The following ZNF275 variants were observed in gnomAD, a reference collection of about 807,000 sequenced individuals.
ZNF275 encodes zinc finger protein 275.
Under a neutral mutation model 4.3 loss-of-function variants are expected in ZNF275, and 4 were observed. The observed-to-expected ratio is 0.93, with a 90% confidence interval of 0.46 to 2.13. The LOEUF (loss-of-function observed/expected upper bound fraction) is 2.13. ZNF275 is among the 30% of genes most tolerant of loss of function. The pLI is 0.02. For synonymous variants in ZNF275, 173 were observed against 166.9 expected, an observed-to-expected ratio of 1.04 and a Z score of -0.28; for missense variants, 352 against 397.1, an observed-to-expected ratio of 0.89 and a Z score of 0.97.
At chrX:153,337,762 CT>C (rs1456901398) in intron 2 of ZNF275, among the ~76,000 whole-genome samples, 1 of 112,131 alleles carries the variant, frequency 8.9e-6, no homozygotes, top group Non-Finnish European at 1.9e-5. Flanking sequence ...TTGACAGGGC[CT>C]TTGCTTTCTG....
Position 153,336,696 on chromosome X carries a change from G to T in ZNF275, c.17G>T (p.Cys6Phe). Residue 6 changes from cysteine to phenylalanine, a missense_variant, in exon 2 of 4, where the codon TGT (cysteine) becomes TTT (phenylalanine). By Grantham distance (205) the Cys-to-Phe change is radical (BLOSUM62 -2). Transcript: ENST00000650114. MMSHP[C>F]VSLLGVPVLN... is the part of the protein sequence containing the mutation. ...TTCTGAGGCATGATGAGTCATCCGT[G>T]TGTGTCTCTTTTGGGTAAGTCTGGG... 2 of 1,167,805 alleles carry T rather than the reference G, an allele frequency of 1.7e-6. No individual in the cohort carries two copies. Among genetic ancestry groups the T allele is most frequent in the Non-Finnish European group, 1.1e-6 (1 of 873,005 alleles).
chrX:153,334,653 A>G (rs782003775), intron 1 of ZNF275, among the ~76,000 whole-genome samples: 28 of 108,360 alleles, frequency 2.6e-4, no homozygotes, highest in East Asian at 1.8e-3. Context: ...TCTTTGGGGG[A>G]CGCTAGGAGA....
chrX:153,336,809 G>A (rs1451351488), intron 2 of ZNF275, 99 bp downstream of exon 2: 6 of 929,580 alleles, frequency 6.5e-6, no homozygotes, highest in South Asian at 2.2e-5. Context: ...GAGGAGTATC[G>A]TTTTGGTTCC....
intron 2 of ZNF275, among the ~76,000 whole-genome samples, chrX:153,338,291 A>G (rs2088458821): frequency 9.0e-6 from 1 of 111,121 alleles, no homozygotes; most frequent in African/African-American, 3.3e-5. Context: ...TACCTGATAT[A>G]CTTGATTGAT....
Position 153,334,253 on chromosome X carries a change from C to T in ZNF275, c.-79C>T, listed in dbSNP as rs1277948206. The T allele has an allele frequency of 5.3e-5, 6 of 112,240 alleles. No individual in the cohort carries two copies. The highest frequency in any genetic ancestry group is 1.1e-4 in the Non-Finnish European group (6 of 53,049). The allele number at this position is 112,240 out of a possible 1,213,427, so 9.2% of individuals were successfully genotyped here. On this transcript the variant is annotated 5_prime_UTR_variant, in exon 1 of 4. Transcript: ENST00000650114. ...CTGGGCCGCGCCAGCGCCGCTCCAC[C>T]GAGGGCCGCGCGTCGGCCGCCGCCG...
At chrX:153,342,614 C>T (rs2088486074) in intron 2 of ZNF275, among the ~76,000 whole-genome samples, 1 of 111,754 alleles carries the variant, frequency 8.9e-6, no homozygotes, top group Admixed American at 9.5e-5. Context: ...ATAGATCAGC[C>T]CTACTACTAA....
rs1338546134 is a variant in ZNF275, at chrX:153,349,177, A to G, written c.*1202A>G. 3.2e-5 allele frequency: 4 copies of G among 123,949 alleles called. No individual in the cohort carries two copies. The highest frequency in any genetic ancestry group is 7.5e-5 in the Non-Finnish European group (4 of 53,352). 10.2% of individuals were successfully genotyped at this position (123,949 alleles called of 1,213,427 possible). A position where few individuals can be genotyped will look rare whatever the true frequency, so the allele number is the denominator to read the frequency against. ...CCTTCCGTTTCTTGTTCTATAAAAC[A>G]GGGGTGATCACAGCACCTACCTCCG... On this transcript the variant is annotated 3_prime_UTR_variant, in exon 4 of 4. Transcript: ENST00000650114.
chrX:153,345,435 C>T, intron 2 of ZNF275, 85 bp from the exon 3 acceptor site: 1 of 696,047 alleles, frequency 1.4e-6, no homozygotes. Flanking sequence ...AGGGGGTTCC[C>T]CTTCAAAGGC....
At chrX:153,344,395 A>T in intron 2 of ZNF275, 1 of 257,996 alleles carries the variant, frequency 3.9e-6, no homozygotes, top group South Asian at 3.6e-5. Flanking sequence ...CTGGGCTTGG[A>T]GTTCCAATCA....
At chrX:153,337,667 T>A (rs1218648512) in intron 2 of ZNF275, among the ~76,000 whole-genome samples, 1 of 112,268 alleles carries the variant, frequency 8.9e-6, no homozygotes, top group Admixed American at 9.4e-5. Context: ...ACATCACTAT[T>A]TTCCATTTAT....
At chrX:153,344,502 G>T in intron 2 of ZNF275, 1 of 314,251 alleles carries the variant, frequency 3.2e-6, no homozygotes, top group South Asian at 3.0e-5. Flanking sequence ...GGATCCTAGT[G>T]CTTGATCAGG....
chrX:153,351,660 T>C lies in ZNF275; in HGVS notation c.*3685T>C. On this transcript the variant is annotated 3_prime_UTR_variant, in exon 4 of 4. Coordinates refer to ENST00000650114, the MANE Select transcript of ZNF275 (RefSeq NM_001367757.1). ...CCATTGCTTTTATTAGAGTTTTGAATACTTGTGAAAATTTTCAAAAGAAAG... is the reference window on the plus strand; with the variant it reads ...CCATTGCTTTTATTAGAGTTTTGAACACTTGTGAAAATTTTCAAAAGAAAG... The C allele has an allele frequency of 8.9e-6, 1 of 112,274 alleles. No individual in the cohort carries two copies. Among genetic ancestry groups the C allele is most frequent in the South Asian group, 3.7e-4 (1 of 2,722 alleles). The allele number at this position is 112,274 out of a possible 1,213,427, so 9.3% of individuals were successfully genotyped here. A position where few individuals can be genotyped will look rare whatever the true frequency, so the allele number is the denominator to read the frequency against.
rs1035134871 is a variant in ZNF275, at chrX:153,348,298, C to G, written c.*323C>G. The G allele has an allele frequency of 3.0e-4, 38 of 128,129 alleles. No individual in the cohort carries two copies. The highest frequency in any genetic ancestry group is 6.5e-4 in the Non-Finnish European group (37 of 57,355). 10.6% of individuals were successfully genotyped at this position (128,129 alleles called of 1,213,427 possible). The stretch of plus-strand genomic sequence containing the variant: ...GAGGTCATCAACTCCAAGCTCCCCC[C>G]GCCCCAGAGAAACACACAGAGCTGT... On this transcript the variant is annotated 3_prime_UTR_variant, in exon 4 of 4. Transcript: ENST00000650114.
chrX:153,342,991 G>A (rs1556961141), intron 2 of ZNF275, among the ~76,000 whole-genome samples: 1 of 112,692 alleles, frequency 8.9e-6, no homozygotes. Flanking sequence ...CCAACACACA[G>A]TCTCGATCTG....
Position 153,347,029 on chromosome X carries a change from T to C in ZNF275, c.344T>C (p.Leu115Pro), listed in dbSNP as rs1556961661. The C allele has an allele frequency of 8.3e-7, 1 of 1,211,460 alleles. No homozygotes were observed. The highest frequency in any genetic ancestry group is 2.2e-5 in the Admixed American group (1 of 46,004). The change falls in exon 4 of 4, where the codon CTG (leucine) becomes CCG (proline). Residue 115 changes from leucine (L) to proline (P), a missense_variant. Transcript: ENST00000650114. ...GGGGACACCTTTCGGCTTAAAGTCC[T>C]GCTTGTCCAGCACCAGAGAGTCCAC... ...ECGDTFRLKV[L>P]LVQHQRVHSE...
intron 2 of ZNF275, among the ~76,000 whole-genome samples, chrX:153,342,106 CTGTT>C (rs1414711590): frequency 8.9e-6 from 1 of 112,153 alleles, no homozygotes; most frequent in East Asian, 2.8e-4. Context: ...CATTAAGATG[CTGTT>C]TGTTTTTAAA....
rs782277073 is a variant in ZNF275, at chrX:153,347,732, C to T, written c.1047C>T (p.Tyr349=). 3.3e-6 allele frequency: 4 copies of T among 1,208,910 alleles called. No individual in the cohort carries two copies. Among genetic ancestry groups the T allele is most frequent in the East Asian group, 3.0e-5 (1 of 33,757 alleles). The change falls in exon 4 of 4, where the codon TAC becomes TAT. Residue 349 remains tyrosine, a synonymous_variant. Transcript: ENST00000650114. ...GCATCCACAGTGGCGAGCGGCCCTA[C>T]GCATGCGGCGAGTGTGGCAAGGCCT... ...HARIHSGERP[Y]ACGECGKAFR...
chrX:153,348,330 A>G lies in ZNF275; in HGVS notation c.*355A>G, dbSNP rs1448041830. Reference sequence around the variant, plus strand: ...GAGAAACACACAGAGCTGTTCCACGATGGCGTCCTCATAATGTGATCCCAG... The same window carrying G: ...GAGAAACACACAGAGCTGTTCCACGGTGGCGTCCTCATAATGTGATCCCAG... On this transcript the variant is annotated 3_prime_UTR_variant, in exon 4 of 4. Transcript: ENST00000650114. 3.2e-5 allele frequency: 4 copies of G among 124,360 alleles called. No individual in the cohort carries two copies. The highest frequency in any genetic ancestry group is 9.8e-5 in the African/African-American group (3 of 30,525). 10.2% of individuals were successfully genotyped at this position (124,360 alleles called of 1,213,427 possible).
At chrX:153,343,666 GC>G (rs1396978046) in intron 2 of ZNF275, among the ~76,000 whole-genome samples, 11 of 111,586 alleles carry the variant, frequency 9.9e-5, no homozygotes, top group African/African-American at 3.6e-4. Context: ...TGGTCTAGAA[GC>G]CCCCATTCCT....
Sources: allele counts gnomAD v4.1 joint callset (sites outside exome capture counted in the v4.1 genomes callset), GRCh38; gene constraint gnomAD v4.1.1; transcripts MANE v1.5; gene names NCBI Gene and HGNC (gene_info 2026-07-23, HGNC 2026-07-21).